Variants in NCAM2 observed in about 807,000 individuals in gnomAD.
NCAM2 encodes the protein N-CAM-2.
Under a neutral mutation model 98.1 loss-of-function variants are expected in NCAM2, and 30 were observed. The observed-to-expected ratio is 0.31, with a 90% CI of 0.23 to 0.41. The LOEUF is 0.41. Ranked by LOEUF, NCAM2 falls within the 10% of genes least tolerant of loss-of-function variation. The probability of loss-of-function intolerance (pLI) is 1.00; values close to 1 mark genes in which losing one functional copy is unlikely to be tolerated. For synonymous variants in NCAM2, 368 were observed against 342.4 expected, an observed-to-expected ratio of 1.07 and a Z score of -0.83; for missense variants, 867 against 1,005.8, an observed-to-expected ratio of 0.86 and a Z score of 1.87.
intron 1 of NCAM2, among the ~76,000 whole-genome samples, chr21:21,061,486 G>A (rs773843600): frequency 5.9e-5 from 9 of 152,038 alleles, no homozygotes; most frequent in Non-Finnish European, 1.2e-4. Context: ...GGTTTAAGTT[G>A]ATAGAACTTA....
At chr21:21,181,626 C>G (rs934063444) in intron 1 of NCAM2, among the ~76,000 whole-genome samples, 3 of 152,130 alleles carry the variant, frequency 2.0e-5, no homozygotes, top group African/African-American at 7.2e-5. Flanking sequence ...ATCTTAGGGC[C>G]TTTACACTTT....
chr21:21,360,173 G>A (rs912531720), intron 8 of NCAM2, among the ~76,000 whole-genome samples: 1 of 151,564 alleles, frequency 6.6e-6, no homozygotes, highest in Admixed American at 6.6e-5. Flanking sequence ...TTAATAAGAT[G>A]GAATCCATTA....
intron 3 of NCAM2, among the ~76,000 whole-genome samples, chr21:21,284,632 T>C (rs1341209302): frequency 1.3e-5 from 2 of 151,744 alleles, no homozygotes; most frequent in Admixed American, 6.6e-5. Flanking sequence ...AAAAATGTTT[T>C]CATTTTCTCA....
chr21:21,218,167 T>C (rs2069984912), intron 1 of NCAM2, among the ~76,000 whole-genome samples: 1 of 152,210 alleles, frequency 6.6e-6, no homozygotes, highest in Non-Finnish European at 1.5e-5. Context: ...TAAATGCGTT[T>C]AGGATATTGT....
At chr21:21,472,236 A>G (rs1984530299) in intron 14 of NCAM2, among the ~76,000 whole-genome samples, 1 of 152,030 alleles carries the variant, frequency 6.6e-6, no homozygotes, top group Admixed American at 6.6e-5. Flanking sequence ...GTAAGGAAGT[A>G]CTATAGGGAC....
intron 1 of NCAM2, among the ~76,000 whole-genome samples, chr21:21,030,124 T>C (rs2064647692): frequency 6.6e-6 from 1 of 152,232 alleles, no homozygotes; most frequent in Admixed American, 6.5e-5. Flanking sequence ...TATCTGGTTT[T>C]CTTTCCTATT....
intron 1 of NCAM2, among the ~76,000 whole-genome samples, chr21:21,197,349 C>T (rs926318879): frequency 6.6e-6 from 1 of 152,074 alleles, no homozygotes; most frequent in African/African-American, 2.4e-5. Flanking sequence ...AGGCTGGTCT[C>T]GAACTCCTGG....
At chr21:21,269,995 G>A (rs1051560374) in intron 1 of NCAM2, among the ~76,000 whole-genome samples, 1 of 152,114 alleles carries the variant, frequency 6.6e-6, no homozygotes, top group African/African-American at 2.4e-5. Flanking sequence ...ACCTTAGTCT[G>A]GAGAGAGAAT....
intron 1 of NCAM2, among the ~76,000 whole-genome samples, chr21:21,221,884 G>A (rs2070183397): frequency 1.3e-5 from 2 of 152,102 alleles, no homozygotes; most frequent in East Asian, 1.9e-4. Context: ...GACTTTCATA[G>A]CTACAGAGAA....
chr21:21,003,621 T>G (rs1190274818), intron 1 of NCAM2, among the ~76,000 whole-genome samples: 1 of 152,206 alleles, frequency 6.6e-6, no homozygotes, highest in Non-Finnish European at 1.5e-5. Context: ...TTTATATTTT[T>G]TAATAATGTG....
rs562921546 is a variant in NCAM2, at chr21:21,490,161, A to T, written c.2077+12690A>T. On this transcript the variant is annotated intron_variant, in intron 15 of 17. Coordinates refer to ENST00000400546, the MANE Select transcript of NCAM2 (RefSeq NM_004540.5). Reference sequence around the variant, plus strand: ...AATTTCCAAGCCTGAACTGTCAGTAAATGTTGCACATAGCCTGGAATAGTC... The same window carrying T: ...AATTTCCAAGCCTGAACTGTCAGTATATGTTGCACATAGCCTGGAATAGTC... Among the ~76,000 whole-genome samples the T allele has an allele frequency of 5.3e-5, 8 of 152,160 alleles. No homozygotes were observed. The South Asian group carries it at 1.7e-3, about 32-fold the overall frequency.
At chr21:21,222,358 A>G (rs1023478903) in intron 1 of NCAM2, among the ~76,000 whole-genome samples, 2 of 152,168 alleles carry the variant, frequency 1.3e-5, no homozygotes, top group Non-Finnish European at 2.9e-5. Flanking sequence ...GCTTTTATAG[A>G]TAGTGATTCC....
intron 16 of NCAM2, among the ~76,000 whole-genome samples, chr21:21,522,786 CA>C (rs1989103586): frequency 6.6e-6 from 1 of 151,788 alleles, no homozygotes; most frequent in Non-Finnish European, 1.5e-5. Context: ...CGTGTGCCAC[CA>C]CGCCTGGCTA....
intron 1 of NCAM2, among the ~76,000 whole-genome samples, chr21:21,086,570 A>T (rs1047523501): frequency 6.6e-6 from 1 of 152,136 alleles, no homozygotes; most frequent in Non-Finnish European, 1.5e-5. Flanking sequence ...ATACATAGAG[A>T]GTTGACTTTA....
rs1350918967 is a variant in NCAM2, at chr21:21,217,057, A to G, written c.56-63521A>G. ...GACTAGCAGTGTAATGATTGAAGGT[A>G]TAAGGGGTATACATAGCACAGGATA... On this transcript the variant is annotated intron_variant, in intron 1 of 17. Coordinates refer to ENST00000400546, the MANE Select transcript of NCAM2 (RefSeq NM_004540.5). Among the ~76,000 whole-genome samples the G allele has an allele frequency of 3.3e-5, 5 of 152,330 alleles. No homozygotes were observed. In the East Asian group the frequency reaches 9.7e-4, roughly 29 times the overall value.
intron 15 of NCAM2, among the ~76,000 whole-genome samples, chr21:21,493,781 A>C (rs576088142): frequency 6.6e-6 from 1 of 152,006 alleles, no homozygotes; most frequent in South Asian, 2.1e-4. Flanking sequence ...TGCCGTTTCC[A>C]GAATGTCACT....
intron 11 of NCAM2, 124 bp from the exon 12 acceptor site, chr21:21,431,984 C>G (rs1048599251): frequency 6.8e-6 from 5 of 737,562 alleles, no homozygotes; most frequent in Admixed American, 3.2e-5. Flanking sequence ...TTCTGTAACT[C>G]GAACATATTA....
intron 1 of NCAM2, among the ~76,000 whole-genome samples, chr21:21,264,162 A>G (rs945341118): frequency 6.6e-6 from 1 of 152,064 alleles, no homozygotes; most frequent in Non-Finnish European, 1.5e-5. Flanking sequence ...TGAACAAATA[A>G]CCCTGTTAAA....
chr21:21,328,575 C>T (rs949013735), intron 6 of NCAM2, among the ~76,000 whole-genome samples: 1 of 140,200 alleles, frequency 7.1e-6, no homozygotes, highest in Non-Finnish European at 1.6e-5. Flanking sequence ...GGGGTATCTT[C>T]CTTTAAAAAA....
Sources: allele counts gnomAD v4.1 joint callset (sites outside exome capture counted in the v4.1 genomes callset), GRCh38; gene constraint gnomAD v4.1.1; transcripts MANE v1.5; gene names NCBI Gene and HGNC (gene_info 2026-07-23, HGNC 2026-07-21).